SPNS2: variants seen among roughly 807,000 people sequenced by gnomAD.
SPNS2 encodes the protein SPNS lysolipid transporter 2, sphingosine-1-phosphate.
A neutral mutation model predicts 57.6 loss-of-function variants in SPNS2; 37 were observed. That is an observed-to-expected ratio of 0.64 (90% CI 0.49 to 0.85). The LOEUF is 0.85. SPNS2 is among the 40% of genes least tolerant of loss of function. SPNS2 has a pLI of 0.00. For missense variants in SPNS2, 831 were observed against 779.1 expected (o/e 1.07, Z -0.79); for synonymous variants, 440 against 346.9 (o/e 1.27, Z -2.98).
In SPNS2 at chr17:4,520,956, G is replaced by A. The variant is rs543537807; in HGVS notation, c.437-4101G>A. ...TCATGAACACTAAGCATCATGCCTCGTGAACCATTATACAATATTGCTGAT... is the reference window on the plus strand; with the variant it reads ...TCATGAACACTAAGCATCATGCCTCATGAACCATTATACAATATTGCTGAT... On this transcript the variant is annotated intron_variant, in intron 2 of 12. Transcript: ENST00000329078. 9.9e-5 allele frequency among the ~76,000 whole-genome samples: 15 copies of A among 152,228 alleles called. No homozygotes were observed. In the South Asian group the frequency reaches 1.5e-3, roughly 15 times the overall value.
At chr17:4,503,185 C>T (rs1301354116) in intron 1 of SPNS2, among the ~76,000 whole-genome samples, 1 of 152,230 alleles carries the variant, frequency 6.6e-6, no homozygotes, top group African/African-American at 2.4e-5. Context: ...GCCACACCAG[C>T]CAGAGCGGCA....
At chr17:4,504,476 G>A (rs1466502432) in intron 1 of SPNS2, among the ~76,000 whole-genome samples, 1 of 152,210 alleles carries the variant, frequency 6.6e-6, no homozygotes, top group Non-Finnish European at 1.5e-5. Flanking sequence ...TGATGGGCCT[G>A]GCCTGTGCCT....
At chr17:4,506,043 G>C (rs1904668076) in intron 1 of SPNS2, among the ~76,000 whole-genome samples, 1 of 152,194 alleles carries the variant, frequency 6.6e-6, no homozygotes, top group Admixed American at 6.5e-5. Context: ...CATCCGTGTG[G>C]GGATGCTAGG....
intron 2 of SPNS2, among the ~76,000 whole-genome samples, chr17:4,517,546 C>T (rs1207837865): frequency 6.6e-6 from 1 of 152,124 alleles, no homozygotes; most frequent in Non-Finnish European, 1.5e-5. Context: ...ATCTCAGCTA[C>T]TCAGGAGGCT....
chr17:4,521,218 C>T (rs1160665140), intron 2 of SPNS2, among the ~76,000 whole-genome samples: 1 of 152,158 alleles, frequency 6.6e-6, no homozygotes, highest in Non-Finnish European at 1.5e-5. Flanking sequence ...CTTCTGATTC[C>T]TTCTGTCCAC....
rs1054749556 is a variant in SPNS2 at position 4,530,519 on chromosome 17, C to A, written c.574-113C>A. On this transcript the variant is annotated intron_variant, in intron 3 of 12. Coordinates refer to ENST00000329078, the MANE Select transcript of SPNS2 (RefSeq NM_001124758.3). ...GGTGCAGCCCACCAGCACCCTCACC[C>A]TTCTCTCCCCTGGCTCCTGGGCCCT... 3.0e-6 allele frequency: 4 copies of A among 1,318,946 alleles called. No homozygotes were observed. The African/African-American group carries it at 5.9e-5, about 19-fold the overall frequency. 81.7% of individuals were successfully genotyped at this position (1,318,946 alleles called of 1,614,324 possible). A position where few individuals can be genotyped will look rare whatever the true frequency, so the allele number is the denominator to read the frequency against.
chr17:4,534,879 C>T (rs1597370976), intron 9 of SPNS2, among the ~76,000 whole-genome samples: 1 of 152,088 alleles, frequency 6.6e-6, no homozygotes, highest in African/African-American at 2.4e-5. Flanking sequence ...TGCCTCCACC[C>T]CCAGGGAGCG....
chr17:4,538,911 C>T lies in SPNS2; in HGVS notation c.*1463C>T, dbSNP rs761232979. The T allele has an allele frequency of 1.3e-6, 1 of 781,860 alleles. No individual in the cohort carries two copies. Among genetic ancestry groups the T allele is most frequent in the South Asian group, 1.3e-5 (1 of 74,636 alleles). 48.4% of individuals were successfully genotyped at this position (781,860 alleles called of 1,614,324 possible). A position where few individuals can be genotyped will look rare whatever the true frequency, so the allele number is the denominator to read the frequency against. On this transcript the variant is annotated 3_prime_UTR_variant, in exon 13 of 13. Transcript: ENST00000329078. Reference sequence around the variant, plus strand: ...AAGAACCAGGTCCGAGTGTTGCCTCCTCTTCCTTCCGGAAGCCAAACTGCT... The same window carrying T: ...AAGAACCAGGTCCGAGTGTTGCCTCTTCTTCCTTCCGGAAGCCAAACTGCT...
At chr17:4,537,183 C>T (rs1003621154) in intron 12 of SPNS2, among the ~76,000 whole-genome samples, 28 of 151,976 alleles carry the variant, frequency 1.8e-4, no homozygotes, top group Non-Finnish European at 7.3e-5. Flanking sequence ...CTGGGTGGGG[C>T]CTCGCATAGA....
In SPNS2 at chr17:4,499,102, G is replaced by A. The variant is rs1157027228; in HGVS notation, c.55G>A (p.Ala19Thr). ...AAAGGAEEEEADAERRRRRRG... is the reference protein window; with the variant it reads ...AAAGGAEEEETDAERRRRRRG... ...GGCGGGCGGCGCGGAGGAGGAGGAG[G>A]CGGACGCGGAGCGGCGGCGCCGGCG... is the stretch of plus-strand genomic sequence containing the variant. Residue 19 changes from alanine (A) to threonine (T), a missense_variant, in exon 1 of 13, where the codon GCG becomes ACG. This residue lies in a region of SPNS2 where 305 missense variants were observed against 378.3 expected (regional missense o/e 0.81). Coordinates refer to ENST00000329078, the MANE Select transcript of SPNS2 (RefSeq NM_001124758.3). This position sits in a 1 kb window ranked among gnomAD's most constrained non-coding sequence, Gnocchi z 5.2. 2 of 1,080,106 alleles carry A rather than the reference G, an allele frequency of 1.9e-6. No homozygotes were observed. Among genetic ancestry groups the A allele is most frequent in the Non-Finnish European group, 2.2e-6 (2 of 892,744 alleles). The allele number at this position is 1,080,106 out of a possible 1,614,324, so 66.9% of individuals were successfully genotyped here. A position where few individuals can be genotyped will look rare whatever the true frequency, so the allele number is the denominator to read the frequency against.
chr17:4,524,411 G>A (rs1303805555), intron 2 of SPNS2, among the ~76,000 whole-genome samples: 5 of 152,178 alleles, frequency 3.3e-5, no homozygotes, highest in South Asian at 2.1e-4. Context: ...ATGGCTGGGC[G>A]CGGTGGCTCA....
intron 2 of SPNS2, among the ~76,000 whole-genome samples, chr17:4,522,683 G>A (rs1905168625): frequency 6.6e-6 from 1 of 152,226 alleles, no homozygotes; most frequent in Non-Finnish European, 1.5e-5. Context: ...GAGGCCAACT[G>A]GCTGCCATGT....
intron 11 of SPNS2, 124 bp from the exon 12 acceptor site, chr17:4,536,776 G>T: frequency 1.3e-6 from 1 of 785,688 alleles, no homozygotes; most frequent in Non-Finnish European, 2.2e-6. Flanking sequence ...CTCCCCCTGG[G>T]GCTGACGAGG....
chr17:4,513,378 G>A, intron 2 of SPNS2, 66 bp downstream of exon 2: 1 of 1,542,356 alleles, frequency 6.5e-7, no homozygotes, highest in Admixed American at 1.7e-5. Flanking sequence ...TGTCCTGTTG[G>A]TCGTCATCTG....
At chr17:4,528,918 T>C (rs1251324687) in intron 3 of SPNS2, among the ~76,000 whole-genome samples, 1 of 151,724 alleles carries the variant, frequency 6.6e-6, no homozygotes, top group African/African-American at 2.4e-5. Flanking sequence ...GGATGCATCA[T>C]GATCCCGCTA....
At chr17:4,532,488 A>C (rs1357559161) in intron 5 of SPNS2, 54 bp from the exon 6 acceptor site, 3 of 1,613,274 alleles carry the variant, frequency 1.9e-6, no homozygotes, top group East Asian at 4.5e-5. Context: ...CTCCTTCTGC[A>C]GCAGGGACGA....
intron 3 of SPNS2, 101 bp from the exon 4 acceptor site, chr17:4,530,531 G>A: frequency 7.1e-7 from 1 of 1,404,784 alleles, no homozygotes; most frequent in Non-Finnish European, 9.8e-7. Context: ...TCTCTCCCCT[G>A]GCTCCTGGGC....
intron 2 of SPNS2, among the ~76,000 whole-genome samples, chr17:4,524,424 C>T (rs553593508): frequency 3.9e-5 from 6 of 152,330 alleles, no homozygotes; most frequent in African/African-American, 1.4e-4. Flanking sequence ...GTGGCTCACA[C>T]GTGTAATCCC....
At position 4,499,548 on chromosome 17, in the gene SPNS2, G is replaced by C; in HGVS notation, c.370+131G>C. The C allele has an allele frequency of 1.9e-6, 1 of 531,306 alleles. No individual in the cohort carries two copies. Among genetic ancestry groups the C allele is most frequent in the East Asian group, 3.5e-5 (1 of 28,388 alleles). The allele number at this position is 531,306 out of a possible 1,614,324, so 32.9% of individuals were successfully genotyped here. A position where few individuals can be genotyped will look rare whatever the true frequency, so the allele number is the denominator to read the frequency against. On this transcript the variant is annotated intron_variant, in intron 1 of 12. Transcript: ENST00000329078. The surrounding 1 kb of genome is among the most constrained non-coding windows in gnomAD (Gnocchi z 5.2). ...CCAGGCCCTACGTGAGGTCCCTACG[G>C]ACCCTCTGCTCAGGCACAACTGGGC... is the stretch of plus-strand genomic sequence containing the variant.
Sources: allele counts gnomAD v4.1 joint callset (sites outside exome capture counted in the v4.1 genomes callset), GRCh38; gene constraint gnomAD v4.1.1; regional missense constraint gnomAD v4.1.1; non-coding constraint Gnocchi (gnomAD v3.1); transcripts MANE v1.5; gene names NCBI Gene and HGNC (gene_info 2026-07-23, HGNC 2026-07-21).